RAPGEF4: variants seen among roughly 807,000 people sequenced by gnomAD.
RAPGEF4 encodes the protein RAP guanine-nucleotide-exchange factor (GEF) 4.
A neutral mutation model predicts 147.9 loss-of-function variants in RAPGEF4; 66 were observed. The observed-to-expected ratio is 0.45, with a 90% confidence interval of 0.37 to 0.55. The LOEUF is 0.55. Among genes scored for constraint, RAPGEF4 ranks in the 20% least tolerant of loss-of-function variants. The probability of loss-of-function intolerance (pLI) is 0.00; values close to 1 mark genes in which losing one functional copy is unlikely to be tolerated. For synonymous variants in RAPGEF4, 419 were observed against 442.7 expected, an observed-to-expected ratio of 0.95 and a Z score of 0.67; for missense variants, 1,071 against 1,257.3, an observed-to-expected ratio of 0.85 and a Z score of 2.24.
intron 3 of RAPGEF4, among the ~76,000 whole-genome samples, chr2:172,813,433 T>A (rs1181293523): frequency 1.3e-5 from 2 of 152,246 alleles, no homozygotes; most frequent in African/African-American, 4.8e-5. Context: ...CATCGATTCA[T>A]GACATTTTAT....
intron 6 of RAPGEF4, among the ~76,000 whole-genome samples, chr2:172,941,873 G>T (rs1053294985): frequency 6.6e-6 from 1 of 152,028 alleles, no homozygotes; most frequent in African/African-American, 2.4e-5. Flanking sequence ...ATAAGAACAC[G>T]CATATAAAGT....
At chr2:173,031,770 G>T (rs968052148) in intron 26 of RAPGEF4, among the ~76,000 whole-genome samples, 1 of 152,192 alleles carries the variant, frequency 6.6e-6, no homozygotes, top group Non-Finnish European at 1.5e-5. Context: ...TCTGTTTTCA[G>T]CACTGAATGT....
chr2:172,983,469 T>C, intron 10 of RAPGEF4, 27 bp from the exon 11 acceptor site: 1 of 1,572,564 alleles, frequency 6.4e-7, no homozygotes, highest in Non-Finnish European at 8.6e-7. Context: ...TTTTTCCATA[T>C]TCCTTTTTTT....
chr2:172,755,142 G>A (rs1461156194), intron 1 of RAPGEF4, among the ~76,000 whole-genome samples: 1 of 152,120 alleles, frequency 6.6e-6, no homozygotes, highest in Non-Finnish European at 1.5e-5. Flanking sequence ...TGCTGATGCC[G>A]GGCTACATTA....
At chr2:172,961,500 T>C (rs1225517777) in intron 8 of RAPGEF4, among the ~76,000 whole-genome samples, 1 of 152,216 alleles carries the variant, frequency 6.6e-6, no homozygotes, top group Non-Finnish European at 1.5e-5. Flanking sequence ...TTTTTGCTAG[T>C]GACTTTTAGG....
In RAPGEF4 at chr2:173,027,241, T is replaced by G. The variant is rs1418711821; in HGVS notation, c.2540T>G (p.Phe847Cys). 4 of 1,595,824 alleles carry G rather than the reference T, an allele frequency of 2.5e-6. No individual in the cohort carries two copies. The highest frequency in any genetic ancestry group is 2.2e-5 in the East Asian group (1 of 44,632). The change falls in exon 25 of 31, where the codon TTT (phenylalanine) becomes TGT (cysteine). Residue 847 changes from phenylalanine to cysteine, a missense_variant. Physicochemically the swap from Phe to Cys is radical, Grantham distance 205. Transcript: ENST00000397081. ...LSKRVQLLKK[F>C]IKIAAHCKEY... ...AAGCGTGTTCAGCTATTAAAAAAAT[T>G]TATTAAGATAGCAGCCCAGTAAGTA...
intron 1 of RAPGEF4, among the ~76,000 whole-genome samples, chr2:172,741,807 G>A (rs1039218202): frequency 6.6e-6 from 1 of 152,164 alleles, no homozygotes; most frequent in Admixed American, 6.5e-5. Context: ...GAGTAGCTGG[G>A]ACCACAGATG....
chr2:172,914,669 A>G (rs1207293865), intron 4 of RAPGEF4, among the ~76,000 whole-genome samples: 1 of 152,088 alleles, frequency 6.6e-6, no homozygotes, highest in Non-Finnish European at 1.5e-5. Context: ...GGAGAAAGAA[A>G]AAGAAAAAGA....
At chr2:172,904,930 G>C (rs1380139577) in intron 4 of RAPGEF4, among the ~76,000 whole-genome samples, 1 of 151,994 alleles carries the variant, frequency 6.6e-6, no homozygotes, top group African/African-American at 2.4e-5. Context: ...TGTCACATGA[G>C]GATGATGGTT....
At chr2:172,804,396 T>C (rs1687275627) in intron 3 of RAPGEF4, among the ~76,000 whole-genome samples, 1 of 152,226 alleles carries the variant, frequency 6.6e-6, no homozygotes, top group African/African-American at 2.4e-5. Context: ...TTATTTTTCA[T>C]CAGCAATATA....
chr2:172,889,901 C>G, intron 4 of RAPGEF4: 1 of 836,492 alleles, frequency 1.2e-6, no homozygotes, highest in Non-Finnish European at 1.4e-6. Context: ...GCTCTCTATT[C>G]CTGGGGTTTT....
At chr2:172,909,685 C>T (rs1165533854) in intron 4 of RAPGEF4, among the ~76,000 whole-genome samples, 1 of 152,206 alleles carries the variant, frequency 6.6e-6, no homozygotes, top group African/African-American at 2.4e-5. Flanking sequence ...CTTGTGCTGA[C>T]TTATATGTGC....
At chr2:172,979,305 G>T (rs1691426574) in intron 10 of RAPGEF4, among the ~76,000 whole-genome samples, 2 of 152,182 alleles carry the variant, frequency 1.3e-5, no homozygotes, top group Admixed American at 6.5e-5. Flanking sequence ...TAGCACCACT[G>T]CCATCTCCCT....
intron 1 of RAPGEF4, among the ~76,000 whole-genome samples, chr2:172,764,240 G>A (rs1373941515): frequency 8.2e-6 from 1 of 122,484 alleles, no homozygotes; most frequent in African/African-American, 2.8e-5. Context: ...GTGACAAAAC[G>A]AGACCCTGTC....
At chr2:172,736,098 G>C (rs1340437231) in intron 1 of RAPGEF4, 50 bp downstream of exon 1, 12 of 1,371,766 alleles carry the variant, frequency 8.7e-6, no homozygotes, top group East Asian at 3.3e-5. Flanking sequence ...GGTGCTGCCC[G>C]GGCCCTGAGA....
At chr2:172,788,803 A>G (rs1685507777) in intron 1 of RAPGEF4, among the ~76,000 whole-genome samples, 1 of 152,164 alleles carries the variant, frequency 6.6e-6, no homozygotes, top group Admixed American at 6.6e-5. Context: ...CTGAGGTGGA[A>G]GGATCACTTG....
intron 10 of RAPGEF4, among the ~76,000 whole-genome samples, chr2:172,980,975 A>G (rs1691621079): frequency 6.6e-6 from 1 of 152,184 alleles, no homozygotes; most frequent in African/African-American, 2.4e-5. Flanking sequence ...AAAGAAATCC[A>G]TAAAAGTTGA....
chr2:172,983,404 G>T (rs1203479322), intron 10 of RAPGEF4, 92 bp from the exon 11 acceptor site: 5 of 1,528,022 alleles, frequency 3.3e-6, no homozygotes, highest in Non-Finnish European at 4.3e-6. Context: ...AGAAATCCCT[G>T]AGCATGTTAC....
At chr2:173,036,400 A>C (rs1251992276) in intron 28 of RAPGEF4, among the ~76,000 whole-genome samples, 188 bp downstream of exon 28, 1 of 152,250 alleles carries the variant, frequency 6.6e-6, no homozygotes, top group Non-Finnish European at 1.5e-5. Context: ...GCAGAGATCC[A>C]TGATTTGGAA....
Sources: gnomAD v4.1 joint callset for allele counts (sites outside exome capture counted in the v4.1 genomes callset) on GRCh38, gnomAD v4.1.1 for gene constraint, MANE v1.5 for transcripts, NCBI Gene and HGNC (gene_info 2026-07-23, HGNC 2026-07-21) for gene names.